The following ILDR1 variants were observed in gnomAD, a reference collection of about 807,000 sequenced individuals.
ILDR1 encodes the protein immunoglobulin-like domain-containing receptor 1.
Under a neutral mutation model 62.4 loss-of-function variants are expected in ILDR1, and 56 were observed. The observed-to-expected ratio is 0.90, with a 90% CI of 0.72 to 1.12. The LOEUF (loss-of-function observed/expected upper bound fraction) is 1.12, where lower values mean the gene tolerates loss of function less well. Among genes scored for constraint, ILDR1 ranks in the 50% most tolerant of loss-of-function variants. The probability of loss-of-function intolerance (pLI) is 0.00; values close to 1 mark genes in which losing one functional copy is unlikely to be tolerated. For synonymous variants in ILDR1, 284 were observed against 277.8 expected, an observed-to-expected ratio of 1.02 and a Z score of -0.22; for missense variants, 736 against 710.6, an observed-to-expected ratio of 1.04 and a Z score of -0.41.
intron 1 of ILDR1, among the ~76,000 whole-genome samples, chr3:122,012,557 A>G (rs2071719718): frequency 6.6e-6 from 1 of 152,226 alleles, no homozygotes; most frequent in African/African-American, 2.4e-5. Flanking sequence ...AGAAAAGGGA[A>G]TTTGGTTAGA....
intron 1 of ILDR1, among the ~76,000 whole-genome samples, chr3:122,021,608 T>G (rs528490142): frequency 6.6e-6 from 1 of 152,322 alleles, no homozygotes; most frequent in African/African-American, 2.4e-5. Flanking sequence ...TGAGGACACA[T>G]TATAACCTCC....
upstream of ILDR1, among the ~76,000 whole-genome samples, chr3:122,024,152 C>G (rs1353081947): frequency 1.3e-5 from 2 of 151,992 alleles, no homozygotes; most frequent in African/African-American, 2.4e-5. Flanking sequence ...AAAAAGGGCT[C>G]TATTATTAAG....
the ILDR1 span, among the ~76,000 whole-genome samples, chr3:122,035,746 T>C: frequency 6.6e-6 from 1 of 152,142 alleles, no homozygotes; most frequent in Non-Finnish European, 1.5e-5. Flanking sequence ...GAACAGTGAG[T>C]CAATTAAATC....
the ILDR1 span, among the ~76,000 whole-genome samples, chr3:122,045,949 G>C: frequency 6.7e-6 from 1 of 149,768 alleles, no homozygotes. Context: ...GTGTGAATTT[G>C]ATCCTGTCAT....
chr3:122,003,852 T>A (rs1576724448), intron 3 of ILDR1, among the ~76,000 whole-genome samples: 1 of 152,110 alleles, frequency 6.6e-6, no homozygotes, highest in East Asian at 1.9e-4. Context: ...ACTGTTCAGG[T>A]AATTTGCTAA....
intron 1 of ILDR1, among the ~76,000 whole-genome samples, chr3:122,015,119 AT>A (rs2071759511): frequency 6.6e-6 from 1 of 152,256 alleles, no homozygotes; most frequent in Non-Finnish European, 1.5e-5. Context: ...AGTTCCTGTC[AT>A]GGATGAGTTT....
chr3:122,034,973 C>T, the ILDR1 span, among the ~76,000 whole-genome samples: 5 of 152,150 alleles, frequency 3.3e-5, no homozygotes, highest in South Asian at 2.1e-4. Context: ...CCTCCCACAA[C>T]GTGTGGGAAT....
At chr3:122,015,797 G>A (rs559509569) in intron 1 of ILDR1, among the ~76,000 whole-genome samples, 16 of 152,210 alleles carry the variant, frequency 1.1e-4, no homozygotes, top group East Asian at 3.9e-4. Flanking sequence ...ATTTATCGCC[G>A]AAATATTTCC....
At chr3:122,032,256 C>T in the ILDR1 span, among the ~76,000 whole-genome samples, 1 of 152,094 alleles carries the variant, frequency 6.6e-6, no homozygotes, top group African/African-American at 2.4e-5. Context: ...ATCTCTTTTG[C>T]TTAATATGTT....
chr3:122,052,782 T>C, the ILDR1 span, among the ~76,000 whole-genome samples: 2 of 152,350 alleles, frequency 1.3e-5, no homozygotes, highest in Non-Finnish European at 2.9e-5. Context: ...TTGACCGGGC[T>C]GATCTCAAAC....
At position 122,022,218 on chromosome 3, in the gene ILDR1, TC is replaced by T; in HGVS notation, c.-142del. 2 of 696,438 alleles carry T rather than the reference TC, an allele frequency of 2.9e-6. No individual in the cohort carries two copies. Among genetic ancestry groups the T allele is most frequent in the Non-Finnish European group, 4.7e-6 (2 of 429,834 alleles). 43.1% of individuals were successfully genotyped at this position (696,438 alleles called of 1,614,324 possible). ...CCCTCGGCGCAGCGGGGAGGGAGCG[TC>T]CGCTCTGGTCCCGGGGCAGGTGCCG... On this transcript the variant is annotated 5_prime_UTR_variant, in exon 1 of 8. Coordinates refer to ENST00000344209, the MANE Select transcript of ILDR1 (RefSeq NM_001199799.2).
Position 121,993,205 on chromosome 3 carries a change from A to G in ILDR1, c.1544T>C (p.Leu515Pro). 2 of 1,613,822 alleles carry G rather than the reference A, an allele frequency of 1.2e-6. No homozygotes were observed. The highest frequency in any genetic ancestry group is 1.7e-6 in the Non-Finnish European group (2 of 1,179,894). Residue 515 changes from leucine (L) to proline (P), a missense_variant, in exon 7 of 8, where the codon CTT (leucine) becomes CCT (proline). Leu to Pro is a moderately conservative substitution (Grantham distance 98). Coordinates refer to ENST00000344209, the MANE Select transcript of ILDR1 (RefSeq NM_001199799.2). ...GCTATTCTTGCCTGGAGTGATATCAAGTGAGCGGTAGCTAGGCGGCTTCTC... is the reference window on the plus strand; with the variant it reads ...GCTATTCTTGCCTGGAGTGATATCAGGTGAGCGGTAGCTAGGCGGCTTCTC... ...PEEKPPSYRS[L>P]DITPGKNSRK...
At chr3:122,047,076 G>C in the ILDR1 span, among the ~76,000 whole-genome samples, 3 of 145,566 alleles carry the variant, frequency 2.1e-5, no homozygotes, top group South Asian at 2.3e-4. Context: ...TTTGATGATG[G>C]TGATGTACAG....
the ILDR1 span, among the ~76,000 whole-genome samples, chr3:122,036,458 G>T: frequency 2.0e-5 from 3 of 151,894 alleles, no homozygotes; most frequent in Non-Finnish European, 4.4e-5. Flanking sequence ...GCATGGTGGT[G>T]GGCACCTGTA....
chr3:122,061,027 T>C, the ILDR1 span, among the ~76,000 whole-genome samples: 1 of 152,202 alleles, frequency 6.6e-6, no homozygotes, highest in Non-Finnish European at 1.5e-5. Context: ...GGCAGGAATA[T>C]GATAAGCCAA....
Position 121,993,983 on chromosome 3 carries a change from A to G in ILDR1, c.779-13T>C, listed in dbSNP as rs2071399449. The G allele has an allele frequency of 6.2e-7, 1 of 1,604,610 alleles. No individual in the cohort carries two copies. The highest frequency in any genetic ancestry group is 2.2e-5 in the East Asian group (1 of 44,876). On this transcript the variant is annotated splice_polypyrimidine_tract_variant and intron_variant, in intron 6 of 7. Transcript: ENST00000344209. ...GGCAGGGACAAATCTGAATGGAAACAAGGACAGGACAATAGAACAAATGGC... is the reference window on the plus strand; with the variant it reads ...GGCAGGGACAAATCTGAATGGAAACGAGGACAGGACAATAGAACAAATGGC...
chr3:122,041,279 T>C, the ILDR1 span, among the ~76,000 whole-genome samples: 1 of 152,212 alleles, frequency 6.6e-6, no homozygotes, highest in Admixed American at 6.5e-5. Flanking sequence ...TGGATGAATG[T>C]CATTATCACA....
At chr3:122,016,964 C>T (rs935474794) in intron 1 of ILDR1, among the ~76,000 whole-genome samples, 1 of 152,234 alleles carries the variant, frequency 6.6e-6, no homozygotes, top group African/African-American at 2.4e-5. Flanking sequence ...TTGCTTTCCT[C>T]TGATCCCTCC....
chr3:121,987,778 T>C lies in ILDR1; in HGVS notation c.*589A>G. ...CTACTGAAAGACTCAGGCTACTAAGTTCCTGAGGGATCACATTCCAGTCAG... is the reference window on the plus strand; with the variant it reads ...CTACTGAAAGACTCAGGCTACTAAGCTCCTGAGGGATCACATTCCAGTCAG... On this transcript the variant is annotated 3_prime_UTR_variant, in exon 8 of 8. Coordinates refer to ENST00000344209, the MANE Select transcript of ILDR1 (RefSeq NM_001199799.2). 5.1e-6 allele frequency: 1 copy of C among 197,786 alleles called. No individual in the cohort carries two copies. The highest frequency in any genetic ancestry group is 1.0e-5 in the Non-Finnish European group (1 of 95,962). The allele number at this position is 197,786 out of a possible 1,614,324, so 12.3% of individuals were successfully genotyped here.
Sources: allele counts gnomAD v4.1 joint callset (sites outside exome capture counted in the v4.1 genomes callset), GRCh38; gene constraint gnomAD v4.1.1; transcripts MANE v1.5; gene names NCBI Gene and HGNC (gene_info 2026-07-23, HGNC 2026-07-21).